Variants in CHTF18 observed in about 807,000 individuals in gnomAD.
The protein encoded by CHTF18 is chromosome transmission fidelity protein 18 homolog.
CHTF18 carries 151 observed loss-of-function variants against 113.4 expected under a neutral mutation model. The ratio of observed to expected loss-of-function variants is 1.33; its 90% confidence interval spans 1.17 to 1.52. The LOEUF is 1.52. Among genes scored for constraint, CHTF18 ranks in the 40% most tolerant of loss-of-function variants. The pLI is 0.00. For missense variants in CHTF18, 1,982 were observed against 1,381.6 expected, an observed-to-expected ratio of 1.43 and a Z score of -6.89; for synonymous variants, 916 against 598.8, an observed-to-expected ratio of 1.53 and a Z score of -7.74.
At position 792,762 on chromosome 16, in the gene CHTF18, T is replaced by C. The variant is rs748851356; in HGVS notation, c.1523T>C (p.Leu508Pro). The change falls in exon 12 of 22, where the codon CTC (leucine) becomes CCC (proline). Residue 508 changes from leucine (L) to proline (P), a missense_variant. Coordinates refer to ENST00000262315, the MANE Select transcript of CHTF18 (RefSeq NM_022092.3). Reference sequence around the variant, plus strand: ...CAGCTGAAGCAGCAGGCCTTCCTGCTCCACTTCCCGCCGACTCTGCCCTCG... The same window carrying C: ...CAGCTGAAGCAGCAGGCCTTCCTGCCCCACTTCCCGCCGACTCTGCCCTCG... ...LRQLKQQAFL[L>P]HFPPTLPSRL... 10 of 1,549,784 alleles carry C rather than the reference T, an allele frequency of 6.5e-6. No individual in the cohort carries two copies. In the South Asian group the frequency reaches 1.2e-4, roughly 18 times the overall value.
At position 791,238 on chromosome 16, in the gene CHTF18, G is replaced by A. The variant is rs151271197; in HGVS notation, c.972G>A (p.Lys324=). Residue 324 remains lysine (K), a synonymous_variant, in exon 8 of 22, where the codon AAG becomes AAA. Transcript: ENST00000262315. ...VVFGHERPSR[K]PRPSVEPARV... Reference sequence around the variant, plus strand: ...TTGGCCACGAGAGGCCTTCCCGGAAGCCCAGGCCCAGTGTTGAGCCGGCCC... The same window carrying A: ...TTGGCCACGAGAGGCCTTCCCGGAAACCCAGGCCCAGTGTTGAGCCGGCCC... 14,134 of 1,611,012 alleles carry A rather than the reference G, an allele frequency of 8.8e-3. 81 individuals are homozygous for A. The highest frequency in any genetic ancestry group is 0.018 in the Middle Eastern group (107 of 6,056).
chr16:791,892 C>G lies in CHTF18; in HGVS notation c.1146C>G (p.Thr382=). ...LCGPPGLGKT[T]LAHVIARHAG... Reference sequence around the variant, plus strand: ...GGCCCCCGGGGCTGGGGAAGACCACCCTGGCACACGTGATTGCGCGTCACG... The same window carrying G: ...GGCCCCCGGGGCTGGGGAAGACCACGCTGGCACACGTGATTGCGCGTCACG... Residue 382 remains threonine, a synonymous_variant, in exon 9 of 22, where the codon ACC becomes ACG. Transcript: ENST00000262315. 15 of 1,609,724 alleles carry G rather than the reference C, an allele frequency of 9.3e-6. No homozygotes were observed. Among genetic ancestry groups the G allele is most frequent in the Non-Finnish European group, 1.3e-5 (15 of 1,178,804 alleles).
intron 8 of CHTF18, 129 bp from the exon 9 acceptor site, chr16:791,722 T>G (rs562973052): frequency 6.9e-7 from 1 of 1,446,872 alleles, no homozygotes; most frequent in Admixed American, 2.9e-5. Context: ...ATTTTGTTCT[T>G]ATTTGATGGC....
At chr16:789,998 C>T (rs769226925) in intron 4 of CHTF18, 179 bp from the exon 5 acceptor site, 25 of 1,535,300 alleles carry the variant, frequency 1.6e-5, no homozygotes, top group Middle Eastern at 3.3e-4. Flanking sequence ...CCCCAATTTC[C>T]CTTTGCAGCT....
At chr16:796,673 C>T (rs537911556) in intron 18 of CHTF18, 44 bp from the exon 19 acceptor site, 14 of 1,535,134 alleles carry the variant, frequency 9.1e-6, no homozygotes, top group Admixed American at 2.0e-5. Flanking sequence ...TGGCCCTGAG[C>T]CTGGCCCCGC....
In CHTF18 at chr16:792,287, G is replaced by A; in HGVS notation, c.1266G>A (p.Val422=). 2 of 1,557,462 alleles carry A rather than the reference G, an allele frequency of 1.3e-6. No individual in the cohort carries two copies. The highest frequency in any genetic ancestry group is 1.2e-5 in the South Asian group (1 of 84,476). The change falls in exon 10 of 22, where the codon GTG becomes GTA. Residue 422 remains valine, a synonymous_variant. Transcript: ENST00000262315. ...RIEAATQMES[V]LGAGGKPNCL... is the part of the protein sequence containing the mutation. Reference sequence around the variant, plus strand: ...AGGCGGCCACCCAGATGGAGTCGGTGCTGGGTGCTGGCGGGAAGCCCAACT... The same window carrying A: ...AGGCGGCCACCCAGATGGAGTCGGTACTGGGTGCTGGCGGGAAGCCCAACT...
chr16:792,874 C>T (rs963626948), intron 12 of CHTF18, 63 bp downstream of exon 12: 29 of 1,527,820 alleles, frequency 1.9e-5, no homozygotes, highest in South Asian at 4.8e-5. Flanking sequence ...CTCGTTCTGG[C>T]CCCTGTTTCC....
rs1465072012 is a variant in CHTF18 at position 791,165 on chromosome 16, C to G, written c.899C>G (p.Thr300Ser). ...HYTELLSDDF[T>S]NRCLLKWLKL... ...CCCTTCCCGTCCTTCCCGCAGTTCA[C>G]CAACCGCTGCCTGCTCAAGTGGCTG... The change falls in exon 8 of 22, where the codon ACC (threonine) becomes AGC (serine). Residue 300 changes from threonine to serine, a missense_variant. By Grantham distance (58) the Thr-to-Ser change is moderately conservative. Transcript: ENST00000262315. 2 of 1,609,936 alleles carry G rather than the reference C, an allele frequency of 1.2e-6. No individual in the cohort carries two copies. Among genetic ancestry groups the G allele is most frequent in the Non-Finnish European group, 1.7e-6 (2 of 1,178,940 alleles).
At position 792,366 on chromosome 16, in the gene CHTF18, G is replaced by A; in HGVS notation, c.1326+19G>A. 1 of 1,559,578 alleles carries A rather than the reference G, an allele frequency of 6.4e-7. No homozygotes were observed. The highest frequency in any genetic ancestry group is 8.7e-7 in the Non-Finnish European group (1 of 1,152,668). On this transcript the variant is annotated intron_variant, in intron 10 of 21. Transcript: ENST00000262315. Reference sequence around the variant, plus strand: ...CCCCGTGGTGGGCTCCTTGATGCCTGGGTAGGTGGGTGGGCGGGCAGGCAG... The same window carrying A: ...CCCCGTGGTGGGCTCCTTGATGCCTAGGTAGGTGGGTGGGCGGGCAGGCAG...
chr16:793,658 G>A (rs1280568819), intron 14 of CHTF18: 2 of 535,470 alleles, frequency 3.7e-6, no homozygotes, highest in Non-Finnish European at 6.9e-6. Flanking sequence ...CCGTGGGCAG[G>A]AGCAGCCAGC....
In CHTF18 at chr16:789,249, G is replaced by A. The variant is rs1192528202; in HGVS notation, c.326G>A (p.Arg109Lys). 1.9e-6 allele frequency: 3 copies of A among 1,557,900 alleles called. No homozygotes were observed. Among genetic ancestry groups the A allele is most frequent in the Admixed American group, 1.9e-5 (1 of 51,890 alleles). ...IKRPRLQVVKRLNFRSEEMEE... is the reference protein window; with the variant it reads ...IKRPRLQVVKKLNFRSEEMEE... Reference sequence around the variant, plus strand: ...CGGCCTAGGCTGCAGGTGGTCAAGAGGCTGAACTTCAGATCGGAGGAGATG... The same window carrying A: ...CGGCCTAGGCTGCAGGTGGTCAAGAAGCTGAACTTCAGATCGGAGGAGATG... Residue 109 changes from arginine to lysine, a missense_variant, in exon 3 of 22, where the codon AGG becomes AAG. Transcript: ENST00000262315.
chr16:791,370 G>A lies in CHTF18; in HGVS notation c.1104G>A (p.Lys368=). 6.3e-7 allele frequency: 1 copy of A among 1,598,574 alleles called. No individual in the cohort carries two copies. Residue 368 remains lysine, a splice_region_variant and synonymous_variant, in exon 8 of 22, where the codon AAG becomes AAA. Transcript: ENST00000262315. ...ACCCGAGCCAGCGACCGAAGCAGAAGGTGAGCCCCGCTGGCTGTGCCGCCG... is the reference window on the plus strand; with the variant it reads ...ACCCGAGCCAGCGACCGAAGCAGAAAGTGAGCCCCGCTGGCTGTGCCGCCG... ...GLDPSQRPKQ[K]VALLCGPPGL...
intron 20 of CHTF18, among the ~76,000 whole-genome samples, chr16:797,365 G>C (rs914475065): frequency 6.6e-6 from 1 of 152,076 alleles, no homozygotes; most frequent in Non-Finnish European, 1.5e-5. Context: ...AGCCACAGGA[G>C]GAGTCTGGCT....
chr16:790,190 A>C lies in CHTF18; in HGVS notation c.620A>C (p.His207Pro), dbSNP rs147014783. ...MAPGVQGSLL[H>P]VPWRGGGQLD... ...CCTTCCCCACAGGGCTCTCTCCTCCACGTCCCATGGCGAGGCGGTGGCCAG... is the reference window on the plus strand; with the variant it reads ...CCTTCCCCACAGGGCTCTCTCCTCCCCGTCCCATGGCGAGGCGGTGGCCAG... The change falls in exon 5 of 22, where the codon CAC becomes CCC. Residue 207 changes from histidine (H) to proline (P), a missense_variant. His to Pro is a moderately conservative substitution (Grantham distance 77). Coordinates refer to ENST00000262315, the MANE Select transcript of CHTF18 (RefSeq NM_022092.3). 4.0e-4 allele frequency: 642 copies of C among 1,600,462 alleles called. 3 individuals are homozygous for C. The African/African-American group carries it at 7.8e-3, about 19-fold the overall frequency.
intron 18 of CHTF18, 147 bp downstream of exon 18, chr16:796,224 A>G (rs1206391598): frequency 1.9e-6 from 2 of 1,071,546 alleles, no homozygotes; most frequent in South Asian, 1.6e-5. Flanking sequence ...GCTCAGATGT[A>G]ACCGTGAAGG....
chr16:791,328 G>A lies in CHTF18; in HGVS notation c.1062G>A (p.Met354Ile). The stretch of plus-strand genomic sequence containing the variant: ...GCCACGAACAGGTGCTGGAGGAGAT[G>A]CTGGAGGCTGGGCTGGACCCGAGCC... The part of the protein sequence containing the change: ...WKSHEQVLEE[M>I]LEAGLDPSQR... Residue 354 changes from methionine (M) to isoleucine (I), a missense_variant, in exon 8 of 22, where the codon ATG (methionine) becomes ATA (isoleucine). Physicochemically the swap from Met to Ile is conservative, Grantham distance 10 (BLOSUM62 1). Coordinates refer to ENST00000262315, the MANE Select transcript of CHTF18 (RefSeq NM_022092.3). 6.2e-7 allele frequency: 1 copy of A among 1,609,204 alleles called. No homozygotes were observed. The highest frequency in any genetic ancestry group is 8.5e-7 in the Non-Finnish European group (1 of 1,179,400).
chr16:793,100 G>C, intron 13 of CHTF18, 36 bp downstream of exon 13: 1 of 1,569,372 alleles, frequency 6.4e-7, no homozygotes, highest in Non-Finnish European at 8.6e-7. Flanking sequence ...GGGTGGGGTG[G>C]GGTCAGGAGT....
In CHTF18 at chr16:793,829, AGGGCTCCTCTCAGAGTG is replaced by A. The variant is rs1373116880; in HGVS notation, c.1803-215_1803-199del. On this transcript the variant is annotated intron_variant, in intron 14 of 21. Coordinates refer to ENST00000262315, the MANE Select transcript of CHTF18 (RefSeq NM_022092.3). ...TCCCCTAACCCCAGAGGGTCAGGGC[AGGGCTCCTCTCAGAGTG>A]GGGCTCCTCGGCTTAAGGGAATGTT... 1.6e-5 allele frequency: 10 copies of A among 637,134 alleles called. 1 individual carries two copies. Among genetic ancestry groups the A allele is most frequent in the South Asian group, 3.6e-5 (2 of 55,102 alleles). The allele number at this position is 637,134 out of a possible 1,614,324, so 39.5% of individuals were successfully genotyped here. A position where few individuals can be genotyped will look rare whatever the true frequency, so the allele number is the denominator to read the frequency against.
intron 15 of CHTF18, 50 bp from the exon 16 acceptor site, chr16:795,082 G>A: frequency 2.1e-6 from 3 of 1,433,482 alleles, no homozygotes; most frequent in Non-Finnish European, 1.9e-6. Context: ...CCGTGGTGGT[G>A]CACCTTCCCT....
Sources: gnomAD v4.1 joint callset for allele counts (sites outside exome capture counted in the v4.1 genomes callset) on GRCh38, gnomAD v4.1.1 for gene constraint, MANE v1.5 for transcripts, NCBI Gene and HGNC (gene_info 2026-07-23, HGNC 2026-07-21) for gene names.